Variants in RNF145 observed in about 807,000 individuals in gnomAD.
RNF145 encodes the protein ring finger protein 145.
RNF145 carries 12 observed loss-of-function variants against 57.3 expected under a neutral mutation model. That is an observed-to-expected ratio of 0.21 (90% CI 0.13 to 0.34). RNF145 has a LOEUF of 0.34. RNF145 is among the 10% of genes least tolerant of loss of function. The pLI is 1.00. For missense variants in RNF145, 429 were observed against 799.0 expected (o/e 0.54, Z 5.58); for synonymous variants, 262 against 288.3 (o/e 0.91, Z 0.92).
intron 4 of RNF145, among the ~76,000 whole-genome samples, chr5:159,181,193 G>C (rs1438465808): frequency 1.4e-5 from 2 of 145,384 alleles, no homozygotes; most frequent in Non-Finnish European, 3.0e-5. Flanking sequence ...AAAAAAAAAA[G>C]ATGTTCCAGG....
chr5:159,208,180 A>G, intron 1 of RNF145: 1 of 1,360,884 alleles, frequency 7.3e-7, no homozygotes, highest in Non-Finnish European at 9.5e-7. Flanking sequence ...ACCCCAACCC[A>G]GCTCGCGGCA....
rs993269127 is a variant in RNF145, at chr5:159,188,414, C to T, written c.293+6302G>A. On this transcript the variant is annotated intron_variant, in intron 3 of 10. Coordinates refer to ENST00000424310, the MANE Select transcript of RNF145 (RefSeq NM_001199383.2). ...GTCTCAAAAAAAAAAAAAAGAAATA[C>T]TGGAGTTTAGAAATTTTAGAAAAAA... Among the ~76,000 whole-genome samples, 6 of 151,574 alleles carry T rather than the reference C, an allele frequency of 4.0e-5. No homozygotes were observed. The South Asian group carries it at 6.3e-4, about 16-fold the overall frequency.
At chr5:159,163,231 A>C (rs894474165) in intron 8 of RNF145, 152 bp from the exon 9 acceptor site, 2 of 673,236 alleles carry the variant, frequency 3.0e-6, no homozygotes, top group Admixed American at 3.2e-5. Context: ...TAGAGTTCAG[A>C]CCAAGTCACA....
At chr5:159,180,110 G>A (rs1784841636) in intron 4 of RNF145, among the ~76,000 whole-genome samples, 1 of 152,104 alleles carries the variant, frequency 6.6e-6, no homozygotes, top group Non-Finnish European at 1.5e-5. Context: ...GGAAGAAGGA[G>A]AGGGAGGGAA....
At chr5:159,200,432 A>G (rs905196118) in intron 2 of RNF145, among the ~76,000 whole-genome samples, 1 of 152,208 alleles carries the variant, frequency 6.6e-6, no homozygotes, top group African/African-American at 2.4e-5. Context: ...AGAATTCAGT[A>G]TATAATGAGA....
intron 6 of RNF145, among the ~76,000 whole-genome samples, chr5:159,171,709 A>G (rs1784565229): frequency 6.6e-6 from 1 of 152,108 alleles, no homozygotes; most frequent in South Asian, 2.1e-4. Flanking sequence ...TTGTTTAGTC[A>G]GGGTATTCTG....
At position 159,169,832 on chromosome 5, in the gene RNF145, A is replaced by G. The variant is rs763968624; in HGVS notation, c.798-13T>C. On this transcript the variant is annotated splice_polypyrimidine_tract_variant and intron_variant, in intron 6 of 10. Transcript: ENST00000424310. Reference sequence around the variant, plus strand: ...GCATTCCGCAATACTGGAAAAAAAGAGGGGGAAATTAACAGACATAAACTT... The same window carrying G: ...GCATTCCGCAATACTGGAAAAAAAGGGGGGGAAATTAACAGACATAAACTT... 1.3e-6 allele frequency: 2 copies of G among 1,588,856 alleles called. No homozygotes were observed. Among genetic ancestry groups the G allele is most frequent in the Non-Finnish European group, 1.7e-6 (2 of 1,171,368 alleles).
At chr5:159,202,544 C>T (rs369138580) in intron 2 of RNF145, among the ~76,000 whole-genome samples, 1 of 151,978 alleles carries the variant, frequency 6.6e-6, no homozygotes, top group South Asian at 2.1e-4. Flanking sequence ...GGGGAACGTT[C>T]TCAGGGCTAA....
chr5:159,163,150 A>G (rs911079167), intron 8 of RNF145, 71 bp from the exon 9 acceptor site: 2 of 1,368,350 alleles, frequency 1.5e-6, no homozygotes, highest in African/African-American at 1.5e-5. Flanking sequence ...ATCAGCAGCT[A>G]ACATCTCTGG....
chr5:159,208,726 CAAAGAGGCA>C (rs754202198), intron 1 of RNF145, among the ~76,000 whole-genome samples: 12 of 150,996 alleles, frequency 7.9e-5, no homozygotes, highest in Non-Finnish European at 1.5e-4. Flanking sequence ...GCAAAGTGAA[CAAAGAGGCA>C]AAAGAGGCAA....
At chr5:159,182,482 ATATTT>A (rs936932353) in intron 3 of RNF145, among the ~76,000 whole-genome samples, 2 of 152,034 alleles carry the variant, frequency 1.3e-5, no homozygotes, top group African/African-American at 4.8e-5. Flanking sequence ...GGCCCCGATT[ATATTT>A]TATTAGTCCC....
Position 159,157,498 on chromosome 5 carries a change from C to T in RNF145, c.*1172G>A, listed in dbSNP as rs563006864. On this transcript the variant is annotated 3_prime_UTR_variant, in exon 11 of 11. Transcript: ENST00000424310. ...TACTAAAAATAAAATAAAGTCACAT[C>T]CCACATTAGGAATACCGAGGTCTGA... is the stretch of plus-strand genomic sequence containing the variant. 3 of 152,850 alleles carry T rather than the reference C, an allele frequency of 2.0e-5. No homozygotes were observed. The highest frequency in any genetic ancestry group is 2.1e-4 in the South Asian group (1 of 4,824). 9.5% of individuals were successfully genotyped at this position (152,850 alleles called of 1,614,324 possible).
At chr5:159,164,080 T>C (rs1372855609) in intron 8 of RNF145, among the ~76,000 whole-genome samples, 1 of 152,162 alleles carries the variant, frequency 6.6e-6, no homozygotes, top group Non-Finnish European at 1.5e-5. Flanking sequence ...TTAATTATAA[T>C]ATAGTCAGGA....
chr5:159,166,504 C>T (rs1784397799), intron 8 of RNF145, among the ~76,000 whole-genome samples: 1 of 152,186 alleles, frequency 6.6e-6, no homozygotes, highest in Non-Finnish European at 1.5e-5. Context: ...CTGTTTTTGA[C>T]ATTTAAGTCC....
intron 8 of RNF145, 143 bp from the exon 9 acceptor site, chr5:159,163,222 A>T (rs1467882679): frequency 1.3e-6 from 1 of 743,600 alleles, no homozygotes; most frequent in African/African-American, 1.8e-5. Context: ...TCACTGTACT[A>T]GAGTTCAGAC....
chr5:159,198,779 T>G (rs1332694612), intron 2 of RNF145, among the ~76,000 whole-genome samples: 3 of 152,120 alleles, frequency 2.0e-5, no homozygotes, highest in Admixed American at 2.0e-4. Context: ...CCTAGCACTC[T>G]TGGAGGCTGA....
chr5:159,173,495 TC>T (rs1469299156), intron 6 of RNF145, among the ~76,000 whole-genome samples: 1 of 152,176 alleles, frequency 6.6e-6, no homozygotes, highest in Non-Finnish European at 1.5e-5. Flanking sequence ...GAGTGCCAGT[TC>T]TGCTTCTTTT....
At chr5:159,191,131 A>T (rs988948749) in intron 3 of RNF145, among the ~76,000 whole-genome samples, 4 of 151,944 alleles carry the variant, frequency 2.6e-5, no homozygotes, top group Admixed American at 6.6e-5. Context: ...AAAGTTCACG[A>T]ATTTTTGTTG....
rs188710338 is a variant in RNF145, at chr5:159,181,451, A to G, written c.385+509T>C. On this transcript the variant is annotated intron_variant, in intron 4 of 10. Coordinates refer to ENST00000424310, the MANE Select transcript of RNF145 (RefSeq NM_001199383.2). ...CCTTTTTTGCATTTTGGCATGGTAC[A>G]CTCTGGTAGCAGGGGTCTGGTACTT... 2.6e-5 allele frequency among the ~76,000 whole-genome samples: 4 copies of G among 152,144 alleles called. No homozygotes were observed. In the East Asian group the frequency reaches 5.8e-4, roughly 22 times the overall value.
Sources: allele counts gnomAD v4.1 joint callset (sites outside exome capture counted in the v4.1 genomes callset), GRCh38; gene constraint gnomAD v4.1.1; transcripts MANE v1.5; gene names NCBI Gene and HGNC (gene_info 2026-07-23, HGNC 2026-07-21).